The following DUSP11 variants were observed in gnomAD, a reference collection of about 807,000 sequenced individuals.
DUSP11 encodes RNA/RNP complex-1-interacting phosphatase.
DUSP11 carries 27 observed loss-of-function variants against 41.4 expected under a neutral mutation model. That is an observed-to-expected ratio of 0.65 (90% CI 0.48 to 0.90). DUSP11 has a LOEUF of 0.90. Ranked by LOEUF, DUSP11 falls within the 40% of genes least tolerant of loss-of-function variation. DUSP11 has a pLI of 0.00. For synonymous variants in DUSP11, 188 were observed against 159.3 expected, an observed-to-expected ratio of 1.18 and a Z score of -1.35; for missense variants, 465 against 461.1, an observed-to-expected ratio of 1.01 and a Z score of -0.08.
At chr2:73,768,424 G>A in intron 5 of DUSP11, 1 of 981,510 alleles carries the variant, frequency 1.0e-6, no homozygotes, top group Non-Finnish European at 1.2e-6. Flanking sequence ...ATGCTCAGGA[G>A]ATATTTTCTG....
intron 8 of DUSP11, among the ~76,000 whole-genome samples, chr2:73,765,292 C>T (rs1672440403): frequency 6.6e-6 from 1 of 152,206 alleles, no homozygotes; most frequent in African/African-American, 2.4e-5. Context: ...TACTCTTGGA[C>T]ATTAGAACTC....
At chr2:73,775,094 T>A (rs373471254) in intron 2 of DUSP11, 50 bp from the exon 3 acceptor site, 1 of 1,516,706 alleles carries the variant, frequency 6.6e-7, no homozygotes, top group Admixed American at 2.0e-5. Flanking sequence ...AATCCTGTAC[T>A]ACATTAGGCA....
At chr2:73,762,810 G>A (rs983380919) in exon 9 of DUSP11, 1 of 1,610,772 alleles carries the variant, frequency 6.2e-7, no homozygotes, top group Admixed American at 1.7e-5. Context: ...GGGGGACCAG[G>A]AGGAGGGAGA....
rs372527171 is a variant in DUSP11 at position 73,773,837 on chromosome 2, G to A, written c.537C>T (p.His179=). The change falls in exon 4 of 9, where the codon CAC becomes CAT. Residue 179 remains histidine (H), a synonymous_variant. Transcript: ENST00000272444. ...TTTCTTTCAAAAACCCATTAACAGCGTGTTTGAATTTAAAAATAGTCTCAT... is the reference window on the plus strand; with the variant it reads ...TTTCTTTCAAAAACCCATTAACAGCATGTTTGAATTTAAAAATAGTCTCAT... 326 of 1,606,810 alleles carry A rather than the reference G, an allele frequency of 2.0e-4. 1 individual carries two copies. The highest frequency in any genetic ancestry group is 3.3e-4 in the Middle Eastern group (2 of 6,050).
intron 3 of DUSP11, among the ~76,000 whole-genome samples, chr2:73,774,611 C>A (rs1275336149): frequency 6.6e-6 from 1 of 152,198 alleles, no homozygotes; most frequent in Non-Finnish European, 1.5e-5. Flanking sequence ...ATTCTAGGTA[C>A]TTCATACAAG....
intron 2 of DUSP11, among the ~76,000 whole-genome samples, 179 bp from the exon 3 acceptor site, chr2:73,775,223 A>C (rs955280180): frequency 8.5e-5 from 13 of 152,158 alleles, no homozygotes; most frequent in Non-Finnish European, 1.3e-4. Context: ...GAAAGAAAAA[A>C]ATAAGCCCAC....
chr2:73,769,058 T>C (rs1177129577), intron 5 of DUSP11: 1 of 491,644 alleles, frequency 2.0e-6, no homozygotes, highest in Non-Finnish European at 3.6e-6. Flanking sequence ...ATTATACCAT[T>C]CAATAACATG....
At chr2:73,775,585 G>C (rs998521982) in intron 2 of DUSP11, among the ~76,000 whole-genome samples, 48 of 149,184 alleles carry the variant, frequency 3.2e-4, no homozygotes, top group Admixed American at 1.3e-4. Context: ...GCTGGGCGCA[G>C]TGGTTCACAC....
exon 9 of DUSP11, chr2:73,762,841 T>C (rs747641627): frequency 1.3e-5 from 21 of 1,579,830 alleles, no homozygotes; most frequent in African/African-American, 2.7e-5. Context: ...GGTAAACATG[T>C]GGATTCTCTG....
chr2:73,773,502 A>G, intron 4 of DUSP11: 1 of 362,836 alleles, frequency 2.8e-6, no homozygotes. Flanking sequence ...TCACTTCTTA[A>G]CCAATATAGA....
In DUSP11 at chr2:73,770,215, GAA is replaced by G. The variant is rs1313109470; in HGVS notation, c.575-892_575-891del. ...AAAAAAAAAAAAGAAAGAAAGAAAA[GAA>G]AAAAAGAAGGCACTCTGCCGGGCAT... On this transcript the variant is annotated intron_variant, in intron 4 of 8. Transcript: ENST00000272444. Among the ~76,000 whole-genome samples, 16 of 149,910 alleles carry G rather than the reference GAA, an allele frequency of 1.1e-4. No individual in the cohort carries two copies. In the East Asian group the frequency reaches 3.1e-3, roughly 29 times the overall value.
intron 5 of DUSP11, chr2:73,768,446 A>G (rs1410048113): frequency 5.1e-6 from 5 of 985,098 alleles, no homozygotes; most frequent in South Asian, 4.7e-5. Context: ...ATGAACAAAC[A>G]TAACTCAGTA....
chr2:73,775,727 C>T (rs941392225), intron 2 of DUSP11, among the ~76,000 whole-genome samples: 2 of 150,554 alleles, frequency 1.3e-5, no homozygotes, highest in African/African-American at 2.4e-5. Flanking sequence ...TGGTGGCAGG[C>T]GCCTGTAGTC....
intron 5 of DUSP11, 54 bp from the exon 6 acceptor site, chr2:73,767,261 T>C: frequency 6.8e-7 from 1 of 1,465,364 alleles, no homozygotes; most frequent in Non-Finnish European, 9.4e-7. Flanking sequence ...AAAAATCAAG[T>C]TTTTTCAAAA....
intron 8 of DUSP11, among the ~76,000 whole-genome samples, chr2:73,763,628 C>T (rs775907464): frequency 1.2e-4 from 18 of 152,020 alleles, no homozygotes; most frequent in Non-Finnish European, 2.2e-4. Flanking sequence ...GAGGCTGAGG[C>T]AGGAGAATCA....
chr2:73,769,380 CATT>C lies in DUSP11; in HGVS notation c.575-58_575-56del, dbSNP rs1672530400. ...CTGAAGTAGATACACAAGTATATAA[CATT>C]ATCACTGCCCTGAAAATGAATAACT... On this transcript the variant is annotated intron_variant, in intron 4 of 8. Transcript: ENST00000272444. 41 of 1,212,284 alleles carry C rather than the reference CATT, an allele frequency of 3.4e-5. No homozygotes were observed. In the South Asian group the frequency reaches 5.3e-4, roughly 16 times the overall value. 75.1% of individuals were successfully genotyped at this position (1,212,284 alleles called of 1,614,324 possible).
At chr2:73,772,632 C>T (rs1474810736) in intron 4 of DUSP11, among the ~76,000 whole-genome samples, 2 of 152,218 alleles carry the variant, frequency 1.3e-5, no homozygotes, top group Non-Finnish European at 2.9e-5. Context: ...AGGCCATCAG[C>T]TGTACCCTCA....
At chr2:73,769,729 T>C (rs558858730) in intron 4 of DUSP11, among the ~76,000 whole-genome samples, 2 of 152,350 alleles carry the variant, frequency 1.3e-5, no homozygotes, top group East Asian at 1.9e-4. Flanking sequence ...ACAGTTTCCA[T>C]AGTACTCTTG....
intron 4 of DUSP11, among the ~76,000 whole-genome samples, chr2:73,771,794 G>A (rs544516828): frequency 2.5e-4 from 36 of 145,476 alleles, no homozygotes; most frequent in Non-Finnish European, 4.2e-4. Context: ...GAGCCATCGC[G>A]CCCGGCTTTT....
Sources: allele counts gnomAD v4.1 joint callset (sites outside exome capture counted in the v4.1 genomes callset), GRCh38; gene constraint gnomAD v4.1.1; transcripts MANE v1.5; gene names NCBI Gene and HGNC (gene_info 2026-07-23, HGNC 2026-07-21).